The following KIAA0586 variants were observed in gnomAD, a reference collection of about 807,000 sequenced individuals.
KIAA0586 encodes protein TALPID3.
In KIAA0586, 144 loss-of-function variants were observed where a neutral mutation model predicts 169.8. That is an observed-to-expected ratio of 0.85 (90% CI 0.74 to 0.97). KIAA0586 has a LOEUF of 0.97. Ranked by LOEUF, KIAA0586 falls within the 50% of genes least tolerant of loss-of-function variation. KIAA0586 has a pLI of 0.00. For missense variants in KIAA0586, 1,854 were observed against 1,823.0 expected (o/e 1.02, Z -0.31); for synonymous variants, 625 against 612.4 (o/e 1.02, Z -0.30).
chr14:58,474,811 G>A lies in KIAA0586; in HGVS notation c.2825+14G>A. 6.4e-7 allele frequency: 1 copy of A among 1,553,006 alleles called. No individual in the cohort carries two copies. The highest frequency in any genetic ancestry group is 1.8e-5 in the Admixed American group (1 of 54,340). ...CTTAATTCAATGGTAAGTTTATAAT[G>A]TTTTTGGTATGAATAGAACCATAGT... On this transcript the variant is annotated intron_variant, in intron 19 of 30. Transcript: ENST00000652326.
At chr14:58,448,958 G>A (rs1248611872) in intron 7 of KIAA0586, among the ~76,000 whole-genome samples, 2 of 152,052 alleles carry the variant, frequency 1.3e-5, no homozygotes, top group Non-Finnish European at 2.9e-5. Flanking sequence ...AATATTTTCA[G>A]AATTAGTAAT....
At chr14:58,484,924 A>ATTTTTTTT (rs58851367) in intron 21 of KIAA0586, among the ~76,000 whole-genome samples, 3 of 13,052 alleles carry the variant, frequency 2.3e-4, no homozygotes, top group Non-Finnish European at 4.0e-4. Flanking sequence ...ATATATATAT[A>ATTTTTTTT]TTTTTTTTTT....
chr14:58,457,925 G>T lies in KIAA0586; in HGVS notation c.1529G>T (p.Arg510Leu). The stretch of plus-strand genomic sequence containing the variant: ...GAAGAAAACCTGGAAGCTATTATTC[G>T]TGCAAAAGATGGAGCTGCCATGTAT... ...VLEENLEAII[R>L]AKDGAAMYSL... Residue 510 changes from arginine (R) to leucine (L), a missense_variant, in exon 11 of 31, where the codon CGT (arginine) becomes CTT (leucine). Arg to Leu is a moderately radical substitution (Grantham distance 102, BLOSUM62 -2). Coordinates refer to ENST00000652326, the MANE Select transcript of KIAA0586 (RefSeq NM_001329943.3). 1 of 1,604,238 alleles carries T rather than the reference G, an allele frequency of 6.2e-7. No individual in the cohort carries two copies. Among genetic ancestry groups the T allele is most frequent in the Non-Finnish European group, 8.5e-7 (1 of 1,174,780 alleles).
At position 58,490,241 on chromosome 14, in the gene KIAA0586, G is replaced by T; in HGVS notation, c.3858+1G>T. On this transcript the variant is annotated splice_donor_variant, in intron 25 of 30. Coordinates refer to ENST00000652326, the MANE Select transcript of KIAA0586 (RefSeq NM_001329943.3). LOFTEE classifies it high-confidence loss of function. ...CACTCTGCATGATGCCGTTGAAATG[G>T]TAAGTAACGATTGACTCCAACACTG... 1 of 1,507,410 alleles carries T rather than the reference G, an allele frequency of 6.6e-7. No individual in the cohort carries two copies. Among genetic ancestry groups the T allele is most frequent in the Non-Finnish European group, 9.0e-7 (1 of 1,113,244 alleles). 93.4% of individuals were successfully genotyped at this position (1,507,410 alleles called of 1,614,324 possible).
chr14:58,496,739 C>A (rs1290397999), intron 26 of KIAA0586, among the ~76,000 whole-genome samples: 1 of 151,880 alleles, frequency 6.6e-6, no homozygotes, highest in Non-Finnish European at 1.5e-5. Context: ...TTCATATAGT[C>A]TAGTTAAAAA....
rs917102181 is a variant in KIAA0586 at position 58,550,267 on chromosome 14, G to A, written c.*2335G>A. ...CCTGCCTCAGCCTCCCAAAGTGCTG[G>A]GATTACAGGCGTGAGCCACCGCGCC... On this transcript the variant is annotated 3_prime_UTR_variant, in exon 31 of 31. Transcript: ENST00000652326. 6.6e-6 allele frequency: 1 copy of A among 152,188 alleles called. No individual in the cohort carries two copies. Among genetic ancestry groups the A allele is most frequent in the Non-Finnish European group, 1.5e-5 (1 of 68,228 alleles). The allele number at this position is 152,188 out of a possible 1,614,324, so 9.4% of individuals were successfully genotyped here.
Position 58,459,490 on chromosome 14 carries a change from T to C in KIAA0586, c.1657-353T>C, listed in dbSNP as rs571129446. Among the ~76,000 whole-genome samples, 4 of 152,212 alleles carry C rather than the reference T, an allele frequency of 2.6e-5. 1 individual carries two copies. On this transcript the variant is annotated intron_variant, in intron 12 of 30. Coordinates refer to ENST00000652326, the MANE Select transcript of KIAA0586 (RefSeq NM_001329943.3). ...TCAGTTTTGTTACAAAAGTGTTTGC[T>C]TTTTTTGAAATGTATTTTTAATTTT...
At chr14:58,560,713 G>A in the KIAA0586 span, among the ~76,000 whole-genome samples, 2 of 152,176 alleles carry the variant, frequency 1.3e-5, no homozygotes, top group Non-Finnish European at 2.9e-5. Flanking sequence ...TCAAAAAGCA[G>A]CTGAATTCAA....
chr14:58,477,971 T>G (rs994749811), intron 20 of KIAA0586, among the ~76,000 whole-genome samples: 1 of 152,154 alleles, frequency 6.6e-6, no homozygotes, highest in Non-Finnish European at 1.5e-5. Flanking sequence ...TTACTTGCCA[T>G]AAAAGTCACC....
chr14:58,515,958 C>G (rs981162978), intron 29 of KIAA0586, among the ~76,000 whole-genome samples: 1 of 151,954 alleles, frequency 6.6e-6, no homozygotes, highest in African/African-American at 2.4e-5. Flanking sequence ...TGATGCAGAG[C>G]AACTAAGTAG....
rs376048205 is a variant in KIAA0586 at position 58,450,685 on chromosome 14, A to G, written c.1068A>G (p.Glu356=). ...CTGTACCTGTTTCAAGGGATGATGA[A>G]CTATCAAAGAGGGAAAATCTTTTGG... ...FAPVPVSRDD[E]LSKRENLLEE... Residue 356 remains glutamate, a synonymous_variant, in exon 8 of 31, where the codon GAA becomes GAG. Coordinates refer to ENST00000652326, the MANE Select transcript of KIAA0586 (RefSeq NM_001329943.3). The G allele has an allele frequency of 5.0e-6, 8 of 1,608,920 alleles. No individual in the cohort carries two copies. The highest frequency in any genetic ancestry group is 2.2e-5 in the East Asian group (1 of 44,828).
At chr14:58,514,949 TTTAA>T (rs2044645564) in intron 29 of KIAA0586, among the ~76,000 whole-genome samples, 1 of 152,112 alleles carries the variant, frequency 6.6e-6, no homozygotes, top group Non-Finnish European at 1.5e-5. Flanking sequence ...AGAGGCTAGT[TTTAA>T]GTCAATTTAT....
chr14:58,511,668 G>C (rs998891172), intron 28 of KIAA0586, among the ~76,000 whole-genome samples: 1 of 152,130 alleles, frequency 6.6e-6, no homozygotes, highest in African/African-American at 2.4e-5. Flanking sequence ...TCTAAACTTG[G>C]AAGACCAGAG....
At chr14:58,476,724 G>A (rs375507854) in intron 19 of KIAA0586, among the ~76,000 whole-genome samples, 3 of 143,278 alleles carry the variant, frequency 2.1e-5, no homozygotes, top group East Asian at 4.1e-4. Context: ...CTGTAGTGCA[G>A]TGGTGTGATC....
intron 27 of KIAA0586, among the ~76,000 whole-genome samples, chr14:58,501,680 A>C (rs2043583732): frequency 6.6e-6 from 1 of 152,196 alleles, no homozygotes; most frequent in Non-Finnish European, 1.5e-5. Flanking sequence ...GTATAGCAGA[A>C]TAGCTAAGAG....
chr14:58,490,162 AG>A lies in KIAA0586; in HGVS notation c.3782-1del. ...TCTAAACTTTTATATTTTAATTTCT[AG>A]TTTTAGAAGATATAGGACTGTACCT... On this transcript the variant is annotated splice_acceptor_variant, in intron 24 of 30. Transcript: ENST00000652326. LOFTEE classifies it high-confidence loss of function. 7.6e-7 allele frequency: 1 copy of A among 1,308,512 alleles called. No individual in the cohort carries two copies. The highest frequency in any genetic ancestry group is 1.0e-6 in the Non-Finnish European group (1 of 958,258). The allele number at this position is 1,308,512 out of a possible 1,614,324, so 81.1% of individuals were successfully genotyped here.
chr14:58,465,624 G>C (rs147234052), intron 14 of KIAA0586, among the ~76,000 whole-genome samples: 77 of 152,266 alleles, frequency 5.1e-4, no homozygotes, highest in Middle Eastern at 6.8e-3. Flanking sequence ...AGTCATTACA[G>C]CTGAGATCAC....
the KIAA0586 span, among the ~76,000 whole-genome samples, chr14:58,559,983 T>A: frequency 6.6e-6 from 1 of 152,064 alleles, no homozygotes; most frequent in Non-Finnish European, 1.5e-5. Flanking sequence ...AAACCCCGTC[T>A]CTACTAAAAA....
intron 21 of KIAA0586, among the ~76,000 whole-genome samples, chr14:58,483,853 T>G (rs1301384272): frequency 6.6e-6 from 1 of 152,220 alleles, no homozygotes; most frequent in Non-Finnish European, 1.5e-5. Flanking sequence ...CATCATTTGA[T>G]GTATAAAGTT....
Sources: allele counts gnomAD v4.1 joint callset (sites outside exome capture counted in the v4.1 genomes callset), GRCh38; gene constraint gnomAD v4.1.1; transcripts MANE v1.5; gene names NCBI Gene and HGNC (gene_info 2026-07-23, HGNC 2026-07-21).